The following CNOT6 variants were observed in gnomAD, a reference collection of about 807,000 sequenced individuals.
CNOT6 encodes the protein carbon catabolite repression 4 protein.
In CNOT6, 12 loss-of-function variants were observed where a neutral mutation model predicts 61.2. The observed-to-expected ratio is 0.20, with a 90% CI of 0.13 to 0.32. CNOT6 has a LOEUF of 0.32. Among genes scored for constraint, CNOT6 ranks in the 10% least tolerant of loss-of-function variants. CNOT6 has a pLI of 1.00. For synonymous variants in CNOT6, 225 were observed against 240.6 expected (o/e 0.94, Z 0.60); for missense variants, 405 against 663.9 (o/e 0.61, Z 4.28).
intron 4 of CNOT6, among the ~76,000 whole-genome samples, chr5:180,557,482 C>G (rs1266581524): frequency 6.6e-6 from 1 of 152,134 alleles, no homozygotes; most frequent in Non-Finnish European, 1.5e-5. Context: ...ATAAAGATAC[C>G]CAACATCTTT....
At chr5:180,498,491 C>G (rs1381650636) in intron 1 of CNOT6, among the ~76,000 whole-genome samples, 4 of 152,022 alleles carry the variant, frequency 2.6e-5, no homozygotes, top group African/African-American at 9.7e-5. Context: ...GGAGTCATGT[C>G]AAACAGAAGG....
At chr5:180,503,550 C>T (rs978169070) in intron 1 of CNOT6, among the ~76,000 whole-genome samples, 7 of 151,260 alleles carry the variant, frequency 4.6e-5, no homozygotes, top group African/African-American at 1.7e-4. Context: ...TAGGTGTGAG[C>T]CACTGCCCCC....
At chr5:180,495,582 T>G (rs1756574812) in intron 1 of CNOT6, 1 of 152,264 alleles carries the variant, frequency 6.6e-6, no homozygotes, top group Admixed American at 6.5e-5. Context: ...GGATTTGTTG[T>G]TACTGTGTAA....
intron 1 of CNOT6, among the ~76,000 whole-genome samples, chr5:180,498,876 G>A (rs1262025184): frequency 2.6e-5 from 4 of 152,134 alleles, no homozygotes; most frequent in African/African-American, 4.8e-5. Flanking sequence ...TGCAACCTCC[G>A]CCTCCTGGGT....
intron 1 of CNOT6, among the ~76,000 whole-genome samples, chr5:180,513,382 T>C (rs1045523313): frequency 1.3e-5 from 2 of 151,826 alleles, no homozygotes; most frequent in African/African-American, 2.4e-5. Context: ...TTTTTTATTA[T>C]TATTTTGAGA....
intron 1 of CNOT6, among the ~76,000 whole-genome samples, chr5:180,505,964 A>G (rs774170635): frequency 2.6e-5 from 4 of 152,198 alleles, no homozygotes; most frequent in Non-Finnish European, 4.4e-5. Flanking sequence ...GAGGAGGTTA[A>G]TTTGGGAAAG....
chr5:180,549,735 C>T (rs1422176343), intron 2 of CNOT6, among the ~76,000 whole-genome samples, 196 bp from the exon 3 acceptor site: 1 of 152,000 alleles, frequency 6.6e-6, no homozygotes, highest in Non-Finnish European at 1.5e-5. Context: ...TTTATTTTAA[C>T]CTGCTAAGTG....
In CNOT6 at chr5:180,536,063, T is replaced by G. The variant is rs574707951; in HGVS notation, c.112+6675T>G. 3.1e-3 allele frequency among the ~76,000 whole-genome samples: 409 copies of G among 130,936 alleles called. 2 individuals carry two copies. The highest frequency in any genetic ancestry group is 4.3e-3 in the Non-Finnish European group (273 of 63,996). The allele number at this position is 130,936 out of a possible 152,430, so 85.9% of individuals were successfully genotyped here. A position where few individuals can be genotyped will look rare whatever the true frequency, so the allele number is the denominator to read the frequency against. ...CAGGCTGGAGTGCAGTGGTGTCATC[T>G]CGGCTCACTGCAAGCTCTGCCTCCC... On this transcript the variant is annotated intron_variant, in intron 2 of 11. Coordinates refer to ENST00000261951, the MANE Select transcript of CNOT6 (RefSeq NM_001370472.1).
chr5:180,545,329 C>T (rs1008483272), intron 2 of CNOT6, among the ~76,000 whole-genome samples: 4 of 152,184 alleles, frequency 2.6e-5, no homozygotes, highest in Non-Finnish European at 4.4e-5. Context: ...CATTCCTTCC[C>T]CTATTTCTAA....
intron 8 of CNOT6, 72 bp downstream of exon 8, chr5:180,567,314 T>C: frequency 7.5e-7 from 1 of 1,338,682 alleles, no homozygotes; most frequent in East Asian, 2.4e-5. Flanking sequence ...GTGTGGAAAC[T>C]AATTGGCAAA....
At chr5:180,569,615 A>G (rs1309719361) in intron 10 of CNOT6, among the ~76,000 whole-genome samples, 1 of 152,196 alleles carries the variant, frequency 6.6e-6, no homozygotes, top group Admixed American at 6.5e-5. Context: ...GTTCCATTTT[A>G]TTACTCCAAA....
chr5:180,533,766 TA>T (rs1327466309), intron 2 of CNOT6, among the ~76,000 whole-genome samples: 2 of 152,196 alleles, frequency 1.3e-5, no homozygotes, highest in Non-Finnish European at 1.5e-5. Context: ...TTAGGAGGTA[TA>T]AGTACAGTTT....
intron 1 of CNOT6, among the ~76,000 whole-genome samples, chr5:180,505,522 C>T (rs1561631062): frequency 6.9e-6 from 1 of 145,172 alleles, no homozygotes; most frequent in African/African-American, 2.6e-5. Context: ...TCCCAAAGTA[C>T]TGGGATTACA....
intron 11 of CNOT6, among the ~76,000 whole-genome samples, chr5:180,573,602 T>TCC (rs768930697): frequency 0.029 from 644 of 22,004 alleles, 4 homozygotes; most frequent in Admixed American, 0.054. Context: ...TGTGTGTGTG[T>TCC]CCGTCCGTCC....
chr5:180,535,618 C>G (rs769311204), intron 2 of CNOT6, among the ~76,000 whole-genome samples: 1 of 152,196 alleles, frequency 6.6e-6, no homozygotes, highest in Non-Finnish European at 1.5e-5. Flanking sequence ...CTACAATACA[C>G]GAGTGCAGGT....
intron 8 of CNOT6, 79 bp downstream of exon 8, chr5:180,567,321 C>A: frequency 8.0e-7 from 1 of 1,246,640 alleles, no homozygotes. Context: ...AACTAATTGG[C>A]AAATGAGAGA....
At chr5:180,565,256 C>CGGATTT (rs1441094403) in intron 6 of CNOT6, among the ~76,000 whole-genome samples, 12 of 152,166 alleles carry the variant, frequency 7.9e-5, no homozygotes, top group African/African-American at 2.7e-4. Context: ...TTGACACTAC[C>CGGATTT]GAGTTATAAG....
In CNOT6 at chr5:180,503,601, C is replaced by CTTTTTTT. The variant is rs56187510; in HGVS notation, c.-3+8856_-3+8862dup. ...TCTTACTGACACTGTGCCCTACTTC[C>CTTTTTTT]TTTTTTTTTTTTTTTTTTTTTTTTG... On this transcript the variant is annotated intron_variant, in intron 1 of 11. Coordinates refer to ENST00000261951, the MANE Select transcript of CNOT6 (RefSeq NM_001370472.1). 2.6e-4 allele frequency among the ~76,000 whole-genome samples: 17 copies of CTTTTTTT among 66,136 alleles called. 1 individual carries two copies. The highest frequency in any genetic ancestry group is 4.1e-4 in the East Asian group (1 of 2,430). The allele number at this position is 66,136 out of a possible 152,430, so 43.4% of individuals were successfully genotyped here.
rs908779074 is a variant in CNOT6 at position 180,575,120 on chromosome 5, C to A, written c.*920C>A. The A allele has an allele frequency of 1.1e-4, 17 of 152,648 alleles. No homozygotes were observed. Among genetic ancestry groups the A allele is most frequent in the African/African-American group, 4.1e-4 (17 of 41,464 alleles). 9.5% of individuals were successfully genotyped at this position (152,648 alleles called of 1,614,324 possible). On this transcript the variant is annotated 3_prime_UTR_variant, in exon 12 of 12. Coordinates refer to ENST00000261951, the MANE Select transcript of CNOT6 (RefSeq NM_001370472.1). ...CTTCTTAACTCTTTTTGAGACACTT[C>A]CTGTCCTATCTCCACTGTGCCTGCC... is the stretch of plus-strand genomic sequence containing the variant.
Sources: gnomAD v4.1 joint callset for allele counts (sites outside exome capture counted in the v4.1 genomes callset) on GRCh38, gnomAD v4.1.1 for gene constraint, MANE v1.5 for transcripts, NCBI Gene and HGNC (gene_info 2026-07-23, HGNC 2026-07-21) for gene names.